The following FER1L6 variants were observed in gnomAD, a reference collection of about 807,000 sequenced individuals.
FER1L6 encodes fer-1 like family member 6, also known as fer-1-like protein 6.
FER1L6 carries 177 observed loss-of-function variants against 219.2 expected under a neutral mutation model. That is an observed-to-expected ratio of 0.81 (90% confidence interval 0.71 to 0.91). FER1L6 has a LOEUF of 0.91. Ranked by LOEUF, FER1L6 falls within the 40% of genes least tolerant of loss-of-function variation. The pLI, the probability that FER1L6 is intolerant of heterozygous loss-of-function variation, is 0.00. For synonymous variants in FER1L6, 768 were observed against 824.3 expected (o/e 0.93, Z 1.17); for missense variants, 2,153 against 2,259.9 (o/e 0.95, Z 0.96).
Position 124,017,683 on chromosome 8 carries a change from G to C in FER1L6, c.1978G>C (p.Asp660His). ...KPKMLNQTTL[D>H]KKRLTLCWQE... Reference sequence around the variant, plus strand: ...CAAGATGTTGAACCAAACCACTTTAGATAAGAAGCGACTTACGCTCTGCTG... The same window carrying C: ...CAAGATGTTGAACCAAACCACTTTACATAAGAAGCGACTTACGCTCTGCTG... Residue 660 changes from aspartate to histidine, a missense_variant, in exon 16 of 41, where the codon GAT becomes CAT. Coordinates refer to ENST00000522917, the MANE Select transcript of FER1L6 (RefSeq NM_001039112.2). 6.2e-7 allele frequency: 1 copy of C among 1,613,808 alleles called. No individual in the cohort carries two copies. The highest frequency in any genetic ancestry group is 8.5e-7 in the Non-Finnish European group (1 of 1,179,752).
intron 22 of FER1L6, 31 bp downstream of exon 22, chr8:124,049,787 T>G (rs1341076082): frequency 6.2e-7 from 1 of 1,612,476 alleles, no homozygotes; most frequent in Non-Finnish European, 8.5e-7. Flanking sequence ...ACGAGATCTA[T>G]TAGGTCTACC....
chr8:123,880,868 A>G (rs909825668), intron 1 of FER1L6, among the ~76,000 whole-genome samples: 2 of 151,348 alleles, frequency 1.3e-5, no homozygotes, highest in Non-Finnish European at 2.9e-5. Flanking sequence ...TTATGATGCA[A>G]TTCTGGGAGC....
chr8:124,089,587 A>G (rs1821935706), intron 33 of FER1L6, among the ~76,000 whole-genome samples: 1 of 152,354 alleles, frequency 6.6e-6, no homozygotes, highest in Admixed American at 6.5e-5. Context: ...TTTAAAATAT[A>G]GACTACCAGC....
At chr8:123,903,970 C>T (rs1416745262) in intron 1 of FER1L6, among the ~76,000 whole-genome samples, 1 of 152,158 alleles carries the variant, frequency 6.6e-6, no homozygotes, top group Non-Finnish European at 1.5e-5. Flanking sequence ...ATCAAATCCT[C>T]CCCACACTTC....
At chr8:124,050,680 T>C (rs965515098) in intron 22 of FER1L6, among the ~76,000 whole-genome samples, 1 of 152,118 alleles carries the variant, frequency 6.6e-6, no homozygotes, top group African/African-American at 2.4e-5. Flanking sequence ...TTCTGGAGGC[T>C]GGGAAGTCCA....
intron 1 of FER1L6, among the ~76,000 whole-genome samples, chr8:123,884,326 C>A (rs964014514): frequency 1.2e-4 from 18 of 152,144 alleles, no homozygotes; most frequent in African/African-American, 4.3e-4. Context: ...GAAAGTGAGG[C>A]AGTAAGTGGC....
chr8:124,097,104 CATACTTTT>C (rs1563798498), intron 35 of FER1L6, among the ~76,000 whole-genome samples, 159 bp from the exon 36 acceptor site: 3 of 141,292 alleles, frequency 2.1e-5, no homozygotes, highest in Non-Finnish European at 3.1e-5. Context: ...TACATACATA[CATACTTTT>C]TTTGTCAACA....
intron 19 of FER1L6, 151 bp downstream of exon 19, chr8:124,035,605 C>T (rs1260043946): frequency 1.4e-6 from 1 of 694,462 alleles, no homozygotes; most frequent in Non-Finnish European, 2.3e-6. Flanking sequence ...TCTAAGTGTT[C>T]TACCTTACCT....
At chr8:123,888,292 G>C (rs1302993653) in intron 1 of FER1L6, among the ~76,000 whole-genome samples, 2 of 151,814 alleles carry the variant, frequency 1.3e-5, no homozygotes, top group Non-Finnish European at 2.9e-5. Flanking sequence ...GATTTTTGTA[G>C]TTTTAGTACA....
chr8:123,922,796 T>C (rs979224765), intron 1 of FER1L6, among the ~76,000 whole-genome samples: 9 of 152,196 alleles, frequency 5.9e-5, no homozygotes, highest in Admixed American at 5.2e-4. Context: ...TTTTTCTCCT[T>C]GATCTCATTG....
At chr8:123,855,925 A>G (rs1407107132) in intron 1 of FER1L6, among the ~76,000 whole-genome samples, 4 of 146,936 alleles carry the variant, frequency 2.7e-5, no homozygotes, top group Non-Finnish European at 4.5e-5. Flanking sequence ...TATATTGTAT[A>G]TATTACTAAT....
chr8:124,023,346 G>T (rs1175058554), intron 17 of FER1L6, 98 bp from the exon 18 acceptor site: 17 of 1,187,714 alleles, frequency 1.4e-5, no homozygotes, highest in Middle Eastern at 2.0e-4. Context: ...GTCGAAGAGG[G>T]AATATTTCAG....
chr8:123,971,610 C>G (rs1335227268), intron 6 of FER1L6, among the ~76,000 whole-genome samples: 1 of 152,188 alleles, frequency 6.6e-6, no homozygotes, highest in East Asian at 1.9e-4. Flanking sequence ...TTTAGTGTCC[C>G]TAAAAGACTC....
chr8:124,040,028 G>A (rs1457757981), intron 20 of FER1L6, 22 bp downstream of exon 20: 5 of 1,613,792 alleles, frequency 3.1e-6, no homozygotes, highest in Admixed American at 3.3e-5. Flanking sequence ...AACCAAGACA[G>A]CCTGCTTCTT....
chr8:124,044,140 G>A (rs182673845), intron 20 of FER1L6, among the ~76,000 whole-genome samples: 1 of 152,248 alleles, frequency 6.6e-6, no homozygotes, highest in East Asian at 1.9e-4. Context: ...AATTGCTTTG[G>A]TATTACGCTG....
intron 39 of FER1L6, among the ~76,000 whole-genome samples, chr8:124,109,655 CAT>C (rs1055557580): frequency 1.3e-5 from 2 of 152,162 alleles, no homozygotes; most frequent in African/African-American, 4.8e-5. Flanking sequence ...TTTCTATCAA[CAT>C]AGTTTTTTCC....
intron 1 of FER1L6, among the ~76,000 whole-genome samples, chr8:123,897,066 C>G (rs1812759094): frequency 6.6e-6 from 1 of 152,114 alleles, no homozygotes; most frequent in Non-Finnish European, 1.5e-5. Flanking sequence ...TTTCACACAT[C>G]TCACATGTGA....
chr8:123,982,154 C>A (rs950199443), intron 11 of FER1L6, among the ~76,000 whole-genome samples: 1 of 152,026 alleles, frequency 6.6e-6, no homozygotes, highest in African/African-American at 2.4e-5. Context: ...AGAATACATG[C>A]CAACTTTGGA....
intron 18 of FER1L6, among the ~76,000 whole-genome samples, chr8:124,030,745 C>A (rs1186003835): frequency 6.6e-6 from 1 of 152,168 alleles, no homozygotes; most frequent in Non-Finnish European, 1.5e-5. Context: ...CTAAATAGCA[C>A]CTTTCTCTGT....
Sources: gnomAD v4.1 joint callset for allele counts (sites outside exome capture counted in the v4.1 genomes callset) on GRCh38, gnomAD v4.1.1 for gene constraint, MANE v1.5 for transcripts, NCBI Gene and HGNC (gene_info 2026-07-23, HGNC 2026-07-21) for gene names.